The following ZP3 variants were observed in gnomAD, a reference collection of about 807,000 sequenced individuals.
ZP3 encodes zona pellucida glycoprotein 3.
ZP3 carries 21 observed loss-of-function variants against 35.6 expected under a neutral mutation model. The ratio of observed to expected loss-of-function variants is 0.59; its 90% CI spans 0.42 to 0.85. The LOEUF is 0.85. Among genes scored for constraint, ZP3 ranks in the 40% least tolerant of loss-of-function variants. The pLI, the probability that ZP3 is intolerant of heterozygous loss-of-function variation, is 0.00. For synonymous variants in ZP3, 207 were observed against 214.5 expected (o/e 0.96, Z 0.31); for missense variants, 437 against 536.5 (o/e 0.81, Z 1.83).
intron 1 of ZP3, among the ~76,000 whole-genome samples, chr7:76,399,199 G>T (rs1804736353): frequency 1.3e-5 from 2 of 152,064 alleles, no homozygotes. Flanking sequence ...TTTTAGTAGA[G>T]ATGGGGTTTC....
intron 1 of ZP3, 40 bp downstream of exon 1, chr7:76,425,316 T>C: frequency 6.4e-7 from 1 of 1,567,638 alleles, no homozygotes; most frequent in East Asian, 2.3e-5. Flanking sequence ...TGGGAGGATG[T>C]TCGAGGCAGC....
intron 1 of ZP3, chr7:76,404,349 A>G: frequency 6.2e-7 from 1 of 1,612,782 alleles, no homozygotes; most frequent in Non-Finnish European, 8.5e-7. Context: ...TGGGGGAGGA[A>G]GGGAGGGGCA....
chr7:76,413,576 T>C (rs1349513027), intron 1 of ZP3, among the ~76,000 whole-genome samples: 1 of 149,806 alleles, frequency 6.7e-6, no homozygotes, highest in East Asian at 2.0e-4. Context: ...CACCACTTCC[T>C]GTGAATCTAT....
At chr7:76,418,781 G>A (rs919061448) in intron 1 of ZP3, among the ~76,000 whole-genome samples, 2 of 151,956 alleles carry the variant, frequency 1.3e-5, no homozygotes, top group Non-Finnish European at 2.9e-5. Context: ...GCGTGAACCC[G>A]GGAGGCGGAG....
intron 1 of ZP3, among the ~76,000 whole-genome samples, chr7:76,412,150 T>C (rs1805261791): frequency 6.9e-6 from 1 of 145,450 alleles, no homozygotes; most frequent in Non-Finnish European, 1.5e-5. Context: ...CTTGCGTCAC[T>C]GCACTCCAGC....
At chr7:76,422,855 G>A (rs1282278635), upstream of ZP3, among the ~76,000 whole-genome samples, 3 of 150,522 alleles carry the variant, frequency 2.0e-5, no homozygotes, top group African/African-American at 4.9e-5. Flanking sequence ...AAAGTTAGCC[G>A]GGCATGGTGA....
At chr7:76,413,678 T>G (rs1035453988) in intron 1 of ZP3, among the ~76,000 whole-genome samples, 2 of 152,210 alleles carry the variant, frequency 1.3e-5, no homozygotes, top group Non-Finnish European at 2.9e-5. Context: ...ATTTATTCAT[T>G]TATTTTTTGA....
At chr7:76,435,302 G>A (rs1360126438) in intron 5 of ZP3, among the ~76,000 whole-genome samples, 7 of 152,246 alleles carry the variant, frequency 4.6e-5, no homozygotes, top group African/African-American at 7.2e-5. Context: ...ACAGGTACCC[G>A]CCACCATGCC....
At chr7:76,400,296 G>A (rs765918525) in intron 1 of ZP3, 60 of 1,492,148 alleles carry the variant, frequency 4.0e-5, no homozygotes, top group Non-Finnish European at 5.4e-5. Flanking sequence ...CATCACACAG[G>A]ACAGCCACAT....
At chr7:76,424,738 A>AT (rs1018175696), upstream of ZP3, among the ~76,000 whole-genome samples, 66 of 152,306 alleles carry the variant, frequency 4.3e-4, no homozygotes, top group African/African-American at 1.5e-3. Flanking sequence ...TTCCAAGCTA[A>AT]AAACCAAATT....
chr7:76,418,519 C>T (rs897568093), intron 1 of ZP3, among the ~76,000 whole-genome samples: 4 of 144,432 alleles, frequency 2.8e-5, no homozygotes, highest in Non-Finnish European at 6.0e-5. Flanking sequence ...CCACTGTACT[C>T]CAGCCTGGGC....
At chr7:76,429,471 G>T in intron 1 of ZP3, 44 bp from the exon 2 acceptor site, 19 of 1,592,168 alleles carry the variant, frequency 1.2e-5, no homozygotes, top group Non-Finnish European at 1.6e-5. Flanking sequence ...GGAGTACCCG[G>T]GCAGGTGATG....
At chr7:76,436,881 G>T (rs879690926) in intron 5 of ZP3, among the ~76,000 whole-genome samples, 7 of 152,356 alleles carry the variant, frequency 4.6e-5, no homozygotes, top group South Asian at 2.1e-4. Context: ...AATCTCTGGG[G>T]GTTGAGGGGT....
At chr7:76,430,629 G>C (rs1805800620) in intron 2 of ZP3, among the ~76,000 whole-genome samples, 1 of 152,202 alleles carries the variant, frequency 6.6e-6, no homozygotes, top group Admixed American at 6.5e-5. Context: ...CAGCTACTCA[G>C]GAGGCTGAGG....
At chr7:76,400,412 G>T in intron 1 of ZP3, 1 of 1,603,530 alleles carries the variant, frequency 6.2e-7, no homozygotes, top group South Asian at 1.1e-5. Context: ...ATGGGGCCTC[G>T]GCCTTGGCCA....
At chr7:76,432,597 T>C (rs1046498341) in intron 2 of ZP3, among the ~76,000 whole-genome samples, 1 of 152,150 alleles carries the variant, frequency 6.6e-6, no homozygotes, top group Non-Finnish European at 1.5e-5. Context: ...ATTACAGGCA[T>C]GAGCCACCGC....
upstream of ZP3, among the ~76,000 whole-genome samples, chr7:76,421,474 G>A (rs1481127996): frequency 6.6e-6 from 1 of 151,540 alleles, no homozygotes. Context: ...GGCTGGTCTC[G>A]AACTCCTGGG....
At chr7:76,397,612 G>GC in exon 1 of ZP3, 1 of 1,611,728 alleles carries the variant, frequency 6.2e-7, no homozygotes, top group South Asian at 1.1e-5. Context: ...CGCCGCCTTC[G>GC]CAGTGCACGT....
chr7:76,407,283 C>T (rs900956064), intron 1 of ZP3, among the ~76,000 whole-genome samples: 1 of 151,854 alleles, frequency 6.6e-6, no homozygotes. Context: ...AACTCTAGGC[C>T]AAGTGTGGCA....
Sources: allele counts gnomAD v4.1 joint callset (sites outside exome capture counted in the v4.1 genomes callset), GRCh38; gene constraint gnomAD v4.1.1; transcripts MANE v1.5; gene names NCBI Gene and HGNC (gene_info 2026-07-23, HGNC 2026-07-21).